The following SMYD3 variants were observed in gnomAD, a reference collection of about 807,000 sequenced individuals.
SMYD3 encodes SET and MYND domain containing 3.
Under a neutral mutation model 57.7 loss-of-function variants are expected in SMYD3, and 36 were observed. That is an observed-to-expected ratio of 0.62 (90% CI 0.48 to 0.82). The LOEUF is 0.82. SMYD3 is among the 40% of genes least tolerant of loss of function. The pLI is 0.00. For missense variants in SMYD3, 515 were observed against 538.8 expected (o/e 0.96, Z 0.44); for synonymous variants, 211 against 195.0 (o/e 1.08, Z -0.68).
intron 8 of SMYD3, among the ~76,000 whole-genome samples, chr1:245,895,409 T>G: frequency 6.6e-6 from 1 of 152,188 alleles, no homozygotes. Flanking sequence ...CTGCTTAGAT[T>G]GTTAAAATTG....
chr1:246,273,135 C>CT lies in SMYD3; in HGVS notation c.531+54065dup, dbSNP rs71299006. ...TGATTCATAATAATGTCCCTGTTTT[C>CT]TTTTTTTTTTTTTTTTTCTTTTTTT... On this transcript the variant is annotated intron_variant, in intron 5 of 11. Transcript: ENST00000490107. 4.5e-3 allele frequency among the ~76,000 whole-genome samples: 487 copies of CT among 107,522 alleles called. 5 individuals are homozygous for CT. The highest frequency in any genetic ancestry group is 5.5e-3 in the Middle Eastern group (1 of 182). The allele number at this position is 107,522 out of a possible 152,430, so 70.5% of individuals were successfully genotyped here. A position where few individuals can be genotyped will look rare whatever the true frequency, so the allele number is the denominator to read the frequency against.
At chr1:246,348,628 T>C (rs2065767400) in intron 2 of SMYD3, among the ~76,000 whole-genome samples, 3 of 151,934 alleles carry the variant, frequency 2.0e-5, no homozygotes, top group Admixed American at 1.3e-4. Context: ...GGTGCAAGGG[T>C]TGAAAAACTA....
chr1:246,099,696 T>C (rs2060976203), intron 5 of SMYD3, among the ~76,000 whole-genome samples: 1 of 152,166 alleles, frequency 6.6e-6, no homozygotes, highest in Non-Finnish European at 1.5e-5. Flanking sequence ...TTGGCATAAT[T>C]TAATAAGATC....
chr1:245,800,996 T>A (rs2047832708), intron 10 of SMYD3, among the ~76,000 whole-genome samples: 1 of 152,228 alleles, frequency 6.6e-6, no homozygotes, highest in Non-Finnish European at 1.5e-5. Flanking sequence ...GCAAATTCTT[T>A]GTTCATTACA....
chr1:245,951,967 G>A (rs6675574), intron 5 of SMYD3, among the ~76,000 whole-genome samples: 26,577 of 152,080 alleles, frequency 0.17, 3,055 homozygotes, highest in East Asian at 0.48. Flanking sequence ...AGGGTTTGAT[G>A]ATTACAGCAA....
intron 5 of SMYD3, among the ~76,000 whole-genome samples, chr1:246,009,229 G>C (rs944265850): frequency 7.9e-5 from 12 of 152,168 alleles, no homozygotes; most frequent in Admixed American, 3.3e-4. Flanking sequence ...CTGTAGGAGC[G>C]AAGTCAGCAA....
Position 246,248,631 on chromosome 1 carries a change from C to CTTGTTTTTTTTTTTTTTTTTTTT in SMYD3, c.531+78569_531+78570insAAAAAAAAAAAAAAAAAAAACAA, listed in dbSNP as rs1309872022. On this transcript the variant is annotated intron_variant, in intron 5 of 11. Coordinates refer to ENST00000490107, the MANE Select transcript of SMYD3 (RefSeq NM_001167740.2). ...GGCCAGTTATGCAAAAGCTCTCTGA[C>CTTGTTTTTTTTTTTTTTTTTTTT]TTTCCTTTTTTTTTTTTTTTTTTTT... 1.7e-5 allele frequency among the ~76,000 whole-genome samples: 2 copies of CTTGTTTTTTTTTTTTTTTTTTTT among 119,264 alleles called. 1 individual carries two copies. 78.2% of individuals were successfully genotyped at this position (119,264 alleles called of 152,430 possible).
intron 5 of SMYD3, among the ~76,000 whole-genome samples, chr1:246,107,301 A>T (rs932366725): frequency 3.9e-5 from 6 of 152,268 alleles, no homozygotes; most frequent in Non-Finnish European, 7.3e-5. Context: ...AAAGAAAAAA[A>T]AAAAGAATTT....
At chr1:245,903,672 G>T (rs967062319) in intron 8 of SMYD3, among the ~76,000 whole-genome samples, 2 of 152,318 alleles carry the variant, frequency 1.3e-5, no homozygotes, top group South Asian at 2.1e-4. Context: ...CTGGGTGCTA[G>T]GGAAGGGATG....
intron 1 of SMYD3, among the ~76,000 whole-genome samples, chr1:246,472,824 G>A (rs141874715): frequency 0.013 from 1,898 of 151,318 alleles, 39 homozygotes; most frequent in African/African-American, 0.042. Context: ...TTTCATTTCA[G>A]GGAGTCTCCC....
At chr1:245,897,769 C>T (rs920973290) in intron 8 of SMYD3, among the ~76,000 whole-genome samples, 79 of 151,808 alleles carry the variant, frequency 5.2e-4, no homozygotes, top group African/African-American at 1.8e-3. Flanking sequence ...TGGTGGTGCG[C>T]GGCGCCTGTA....
intron 5 of SMYD3, among the ~76,000 whole-genome samples, chr1:246,201,305 T>A (rs1023922984): frequency 6.6e-6 from 1 of 152,128 alleles, no homozygotes; most frequent in African/African-American, 2.4e-5. Flanking sequence ...GTCAACCTTA[T>A]TAATAGGGGG....
chr1:245,783,174 C>A (rs1346615002), intron 10 of SMYD3, among the ~76,000 whole-genome samples: 1 of 152,142 alleles, frequency 6.6e-6, no homozygotes, highest in Non-Finnish European at 1.5e-5. Flanking sequence ...AGGTATCATA[C>A]ATAACGTGAT....
At chr1:245,779,961 G>A (rs563127575) in intron 10 of SMYD3, among the ~76,000 whole-genome samples, 11 of 152,268 alleles carry the variant, frequency 7.2e-5, no homozygotes, top group South Asian at 2.1e-4. Flanking sequence ...AACGTGACTC[G>A]AAGCCAGTGT....
chr1:246,157,112 A>G (rs958724656), intron 5 of SMYD3, among the ~76,000 whole-genome samples: 4 of 152,246 alleles, frequency 2.6e-5, no homozygotes, highest in Non-Finnish European at 5.9e-5. Flanking sequence ...GCCAATGAGT[A>G]GCGAAGTCTG....
At chr1:245,940,766 A>G (rs190324895) in intron 5 of SMYD3, among the ~76,000 whole-genome samples, 1 of 152,338 alleles carries the variant, frequency 6.6e-6, no homozygotes, top group East Asian at 1.9e-4. Context: ...TCTCCTTCAA[A>G]TGACTGCAAC....
chr1:246,480,269 G>A (rs1405603508), intron 1 of SMYD3, among the ~76,000 whole-genome samples: 1 of 152,168 alleles, frequency 6.6e-6, no homozygotes, highest in East Asian at 1.9e-4. Context: ...CAAAGCGTTG[G>A]GATTACAGGA....
intron 5 of SMYD3, among the ~76,000 whole-genome samples, chr1:246,260,181 GCCT>G (rs1357094512): frequency 6.6e-6 from 1 of 152,146 alleles, no homozygotes; most frequent in Non-Finnish European, 1.5e-5. Flanking sequence ...CTGCAGACCT[GCCT>G]GGGCTTAGAG....
At chr1:245,965,275 A>C (rs1572804686) in intron 5 of SMYD3, among the ~76,000 whole-genome samples, 1 of 152,188 alleles carries the variant, frequency 6.6e-6, no homozygotes, top group East Asian at 1.9e-4. Context: ...AGAATTGGGA[A>C]TATTTTGTTA....
Sources: gnomAD v4.1 joint callset for allele counts (sites outside exome capture counted in the v4.1 genomes callset) on GRCh38, gnomAD v4.1.1 for gene constraint, MANE v1.5 for transcripts, NCBI Gene and HGNC (gene_info 2026-07-23, HGNC 2026-07-21) for gene names.